PCCA: variants seen among roughly 807,000 people sequenced by gnomAD.
PCCA encodes the protein propionyl-CoA carboxylase alpha chain, mitochondrial.
PCCA carries 74 observed loss-of-function variants against 101.3 expected under a neutral mutation model. The observed-to-expected ratio is 0.73, with a 90% CI of 0.61 to 0.89. The LOEUF (loss-of-function observed/expected upper bound fraction) is 0.89, where lower values mean the gene tolerates loss of function less well. Among genes scored for constraint, PCCA ranks in the 40% least tolerant of loss-of-function variants. The pLI is 0.00. For synonymous variants in PCCA, 294 were observed against 313.6 expected (o/e 0.94, Z 0.66); for missense variants, 891 against 907.0 (o/e 0.98, Z 0.23).
At chr13:100,518,439 A>T (rs2086996315) in intron 22 of PCCA, among the ~76,000 whole-genome samples, 1 of 152,204 alleles carries the variant, frequency 6.6e-6, no homozygotes, top group African/African-American at 2.4e-5. Flanking sequence ...TTCATTTGAA[A>T]CACTCAGCCT....
At chr13:100,178,530 C>G (rs752278822) in intron 6 of PCCA, among the ~76,000 whole-genome samples, 1 of 152,112 alleles carries the variant, frequency 6.6e-6, no homozygotes, top group Non-Finnish European at 1.5e-5. Flanking sequence ...TGAGAGTGGT[C>G]TGCTGTAGTT....
chr13:100,258,443 A>G (rs1165787542), intron 9 of PCCA, among the ~76,000 whole-genome samples: 1 of 152,256 alleles, frequency 6.6e-6, no homozygotes, highest in Non-Finnish European at 1.5e-5. Context: ...GAAGTCGAAT[A>G]CAACTTAATG....
intron 8 of PCCA, among the ~76,000 whole-genome samples, chr13:100,250,528 T>G (rs1027502668): frequency 1.3e-5 from 2 of 152,132 alleles, no homozygotes; most frequent in Admixed American, 1.3e-4. Context: ...ATGTTTATTT[T>G]TTTCTCCAAA....
intron 12 of PCCA, among the ~76,000 whole-genome samples, chr13:100,288,210 C>T (rs2064842237): frequency 6.6e-6 from 1 of 152,184 alleles, no homozygotes; most frequent in African/African-American, 2.4e-5. Context: ...CCTCATGCCA[C>T]ACCATTTCTC....
At chr13:100,343,192 T>G (rs1465864389) in intron 18 of PCCA, among the ~76,000 whole-genome samples, 2 of 152,098 alleles carry the variant, frequency 1.3e-5, no homozygotes, top group Admixed American at 6.5e-5. Context: ...TGTGACTCCG[T>G]CTCAAACAAA....
chr13:100,346,179 G>A (rs187401212), intron 18 of PCCA, among the ~76,000 whole-genome samples: 78 of 152,252 alleles, frequency 5.1e-4, no homozygotes, highest in African/African-American at 1.7e-3. Flanking sequence ...TTCACAAGGC[G>A]ATAGCTGCCA....
At chr13:100,422,391 G>A (rs2078891246) in intron 19 of PCCA, among the ~76,000 whole-genome samples, 1 of 151,866 alleles carries the variant, frequency 6.6e-6, no homozygotes, top group Non-Finnish European at 1.5e-5. Context: ...TCCTGCCTGG[G>A]CCTCCCAAAG....
chr13:100,104,219 A>T (rs929127095), intron 2 of PCCA, among the ~76,000 whole-genome samples: 8 of 152,160 alleles, frequency 5.3e-5, no homozygotes, highest in African/African-American at 1.9e-4. Flanking sequence ...TCATGTGCTG[A>T]AGTGCGCAAT....
chr13:100,248,759 T>G (rs1422140996), intron 8 of PCCA, among the ~76,000 whole-genome samples: 1 of 152,182 alleles, frequency 6.6e-6, no homozygotes, highest in Non-Finnish European at 1.5e-5. Flanking sequence ...TTATTCTTTT[T>G]TTTTGAGATG....
intron 8 of PCCA, among the ~76,000 whole-genome samples, chr13:100,251,455 T>TAA (rs2061748137): frequency 6.6e-6 from 1 of 152,226 alleles, no homozygotes; most frequent in South Asian, 2.1e-4. Context: ...TAGTAACTCT[T>TAA]ACTTTGCATG....
intron 21 of PCCA, among the ~76,000 whole-genome samples, chr13:100,504,051 AG>A (rs1052431683): frequency 2.0e-5 from 3 of 152,246 alleles, no homozygotes; most frequent in Admixed American, 6.5e-5. Context: ...TAGATGTGAG[AG>A]GGTGGATTAG....
chr13:100,354,727 A>G (rs1276678927), intron 18 of PCCA, among the ~76,000 whole-genome samples: 1 of 152,236 alleles, frequency 6.6e-6, no homozygotes, highest in African/African-American at 2.4e-5. Flanking sequence ...TTGTTTACCA[A>G]TAAACAAGAT....
intron 18 of PCCA, among the ~76,000 whole-genome samples, chr13:100,342,211 A>G (rs1487497236): frequency 6.6e-6 from 1 of 151,770 alleles, no homozygotes; most frequent in East Asian, 1.9e-4. Flanking sequence ...CCCATTTGTT[A>G]ATTTTTTAAG....
At chr13:100,198,638 ACAGG>A (rs1470027249) in intron 6 of PCCA, among the ~76,000 whole-genome samples, 1 of 152,106 alleles carries the variant, frequency 6.6e-6, no homozygotes, top group Non-Finnish European at 1.5e-5. Context: ...AGCTGGGATA[ACAGG>A]TGCACACCAC....
intron 21 of PCCA, among the ~76,000 whole-genome samples, chr13:100,487,660 T>A (rs1157343126): frequency 6.6e-6 from 1 of 152,198 alleles, no homozygotes; most frequent in Non-Finnish European, 1.5e-5. Flanking sequence ...TTTGGGCATG[T>A]ACTAAGTAGC....
chr13:100,174,494 A>G (rs1274712384), intron 6 of PCCA, among the ~76,000 whole-genome samples: 1 of 149,618 alleles, frequency 6.7e-6, no homozygotes, highest in African/African-American at 2.5e-5. Context: ...TGGGGAGGCC[A>G]AATCAGGCAG....
rs577406067 is a variant in PCCA, at chr13:100,120,044, G to T, written c.300+7983G>T. Among the ~76,000 whole-genome samples, 5 of 151,810 alleles carry T rather than the reference G, an allele frequency of 3.3e-5. 1 individual carries two copies. In the South Asian group the frequency reaches 1.0e-3, roughly 32 times the overall value. ...GCATCACCAAACTACTGAATTTTCA[G>T]TAGAGACAGGGTTTCACCATGTTGG... On this transcript the variant is annotated intron_variant, in intron 4 of 23. Coordinates refer to ENST00000376285, the MANE Select transcript of PCCA (RefSeq NM_000282.4).
chr13:100,354,383 G>T (rs2073727431), intron 18 of PCCA, among the ~76,000 whole-genome samples: 1 of 136,288 alleles, frequency 7.3e-6, no homozygotes, highest in Admixed American at 7.4e-5. Flanking sequence ...AGGCAGTCAG[G>T]CAGGCAGGGA....
At chr13:100,378,131 G>C (rs957621377) in intron 19 of PCCA, among the ~76,000 whole-genome samples, 18 of 152,064 alleles carry the variant, frequency 1.2e-4, no homozygotes, top group Admixed American at 7.2e-4. Context: ...GCATTCCACT[G>C]GTCAAATTCG....
Sources: allele counts gnomAD v4.1 joint callset (sites outside exome capture counted in the v4.1 genomes callset), GRCh38; gene constraint gnomAD v4.1.1; transcripts MANE v1.5; gene names NCBI Gene and HGNC (gene_info 2026-07-23, HGNC 2026-07-21).